BMPR1A: variants seen among roughly 807,000 people sequenced by gnomAD.
The protein encoded by BMPR1A is bone morphogenetic protein receptor type-1A.
In BMPR1A, 7 loss-of-function variants were observed where a neutral mutation model predicts 66.0. That is an observed-to-expected ratio of 0.11 (90% CI 0.06 to 0.20). The LOEUF (loss-of-function observed/expected upper bound fraction) is 0.20. Ranked by LOEUF, BMPR1A falls within the 10% of genes least tolerant of loss-of-function variation. The probability of loss-of-function intolerance (pLI) is 1.00; values close to 1 mark genes in which losing one functional copy is unlikely to be tolerated. For missense variants in BMPR1A, 408 were observed against 669.1 expected (o/e 0.61, Z 4.31); for synonymous variants, 200 against 229.7 (o/e 0.87, Z 1.17).
At chr10:86,832,453 C>T (rs151134185) in intron 1 of BMPR1A, among the ~76,000 whole-genome samples, 9,184 of 143,078 alleles carry the variant, frequency 0.064, 405 homozygotes, top group Non-Finnish European at 0.081. Flanking sequence ...GCGACAAGAG[C>T]GAAACTCCGT....
rs976011708 is a variant in BMPR1A at position 86,917,958 on chromosome 10, G to A, written c.868+632G>A. On this transcript the variant is annotated intron_variant, in intron 9 of 12. Transcript: ENST00000372037. ...TCCAAAACGTATTCACTCAGTTTTC[G>A]AGGCTAGAAGTTTAAAACCAAGGTG... Among the ~76,000 whole-genome samples the A allele has an allele frequency of 4.6e-5, 7 of 152,136 alleles. No individual in the cohort carries two copies. In the South Asian group the frequency reaches 6.2e-4, roughly 14 times the overall value.
intron 3 of BMPR1A, among the ~76,000 whole-genome samples, chr10:86,889,158 G>T (rs1280889920): frequency 6.6e-6 from 1 of 152,176 alleles, no homozygotes; most frequent in East Asian, 1.9e-4. Context: ...TCTGCTTCCA[G>T]CCTGAAAGAT....
chr10:86,845,951 C>T (rs1014489029), intron 2 of BMPR1A, among the ~76,000 whole-genome samples: 18 of 151,174 alleles, frequency 1.2e-4, no homozygotes, highest in African/African-American at 4.1e-4. Context: ...GAGCCAAGAT[C>T]GTGCCACTGC....
intron 5 of BMPR1A, among the ~76,000 whole-genome samples, chr10:86,894,170 G>T (rs578020427): frequency 1.4e-4 from 21 of 152,346 alleles, no homozygotes; most frequent in Admixed American, 1.4e-3. Context: ...ACATAGTCTT[G>T]TGTTAGATAT....
intron 1 of BMPR1A, among the ~76,000 whole-genome samples, chr10:86,834,772 G>GT (rs2133085908): frequency 6.6e-6 from 1 of 152,036 alleles, no homozygotes; most frequent in East Asian, 1.9e-4. Flanking sequence ...TAATGTTTGT[G>GT]TTTTCTAGTT....
At chr10:86,858,602 G>C (rs1456758063) in intron 2 of BMPR1A, among the ~76,000 whole-genome samples, 1 of 152,240 alleles carries the variant, frequency 6.6e-6, no homozygotes, top group South Asian at 2.1e-4. Flanking sequence ...AGGTTGCAGA[G>C]TACAAAATCA....
intron 3 of BMPR1A, among the ~76,000 whole-genome samples, chr10:86,880,182 C>G (rs1217822269): frequency 6.6e-6 from 1 of 152,166 alleles, no homozygotes; most frequent in African/African-American, 2.4e-5. Flanking sequence ...TTGTAGTGGT[C>G]CTACATTCTG....
chr10:86,841,768 C>T (rs533150732), intron 2 of BMPR1A, among the ~76,000 whole-genome samples: 3 of 152,164 alleles, frequency 2.0e-5, no homozygotes, highest in Middle Eastern at 3.4e-3. Context: ...TTTCAGTTCC[C>T]GCCCCCACCA....
chr10:86,855,201 G>A (rs573560167), intron 2 of BMPR1A: 1 of 702,802 alleles, frequency 1.4e-6, no homozygotes, highest in Admixed American at 3.1e-5. Flanking sequence ...ACCACACCCT[G>A]CGTCGCTAAG....
chr10:86,889,021 A>G (rs996089272), intron 3 of BMPR1A, among the ~76,000 whole-genome samples: 4 of 152,226 alleles, frequency 2.6e-5, no homozygotes, highest in Non-Finnish European at 5.9e-5. Context: ...TTTAACATTC[A>G]TAATGAAATA....
At chr10:86,900,954 C>T (rs970289973) in intron 7 of BMPR1A, among the ~76,000 whole-genome samples, 3 of 152,258 alleles carry the variant, frequency 2.0e-5, no homozygotes, top group African/African-American at 7.2e-5. Context: ...CCTCCCATAA[C>T]ACATCAGGGC....
rs1843640995 is a variant in BMPR1A, at chr10:86,920,144, G to A, written c.1166+675G>A. Among the ~76,000 whole-genome samples the A allele has an allele frequency of 2.0e-5, 3 of 152,132 alleles. No homozygotes were observed. In the South Asian group the frequency reaches 6.2e-4, roughly 31 times the overall value. ...GTTGATTATGAAAAGGTTTTTTAAT[G>A]AACATTGTTGTATTTTAACCATATA... On this transcript the variant is annotated intron_variant, in intron 10 of 12. Transcript: ENST00000372037.
chr10:86,802,602 C>G (rs1841827426), intron 1 of BMPR1A, among the ~76,000 whole-genome samples: 1 of 151,676 alleles, frequency 6.6e-6, no homozygotes, highest in Non-Finnish European at 1.5e-5. Context: ...TCAAGTAGCT[C>G]TCAGATCAGC....
intron 1 of BMPR1A, among the ~76,000 whole-genome samples, chr10:86,815,957 G>A (rs2132970031): frequency 6.6e-6 from 1 of 152,324 alleles, no homozygotes; most frequent in Non-Finnish European, 1.5e-5. Context: ...GATATCCCTG[G>A]TCATAGGATT....
At chr10:86,825,010 A>G (rs557702338) in intron 1 of BMPR1A, among the ~76,000 whole-genome samples, 41 of 152,258 alleles carry the variant, frequency 2.7e-4, no homozygotes, top group Admixed American at 1.2e-3. Context: ...AACGTACACT[A>G]TTAATAGGAC....
intron 7 of BMPR1A, among the ~76,000 whole-genome samples, chr10:86,904,678 C>T (rs1564719540): frequency 6.6e-6 from 1 of 152,166 alleles, no homozygotes; most frequent in African/African-American, 2.4e-5. Context: ...AAATGGGGAT[C>T]TAAGTGACCC....
At chr10:86,909,452 TATG>T (rs1338604885) in intron 7 of BMPR1A, among the ~76,000 whole-genome samples, 2 of 151,832 alleles carry the variant, frequency 1.3e-5, no homozygotes, top group East Asian at 3.9e-4. Flanking sequence ...ATTAGCCTGG[TATG>T]GTGGTGTGTG....
At chr10:86,890,601 A>AT (rs1843134542) in intron 4 of BMPR1A, among the ~76,000 whole-genome samples, 1 of 151,264 alleles carries the variant, frequency 6.6e-6, no homozygotes, top group African/African-American at 2.5e-5. Context: ...TTTAAAAAAA[A>AT]ATTTTTTTTT....
At chr10:86,775,832 C>A (rs796384655) in intron 1 of BMPR1A, among the ~76,000 whole-genome samples, 13 of 152,256 alleles carry the variant, frequency 8.5e-5, no homozygotes, top group African/African-American at 2.4e-4. Context: ...TACAAAAATG[C>A]ATATCCATTT....
Sources: allele counts gnomAD v4.1 joint callset (sites outside exome capture counted in the v4.1 genomes callset), GRCh38; gene constraint gnomAD v4.1.1; transcripts MANE v1.5; gene names NCBI Gene and HGNC (gene_info 2026-07-23, HGNC 2026-07-21).